The following NSD3 variants were observed in gnomAD, a reference collection of about 807,000 sequenced individuals.
The protein encoded by NSD3 is histone-lysine N-methyltransferase NSD3.
Under a neutral mutation model 160.8 loss-of-function variants are expected in NSD3, and 24 were observed. The observed-to-expected ratio is 0.15, with a 90% CI of 0.11 to 0.21. The LOEUF (loss-of-function observed/expected upper bound fraction) is 0.21, where lower values mean the gene tolerates loss of function less well. Ranked by LOEUF, NSD3 falls within the 10% of genes least tolerant of loss-of-function variation. The pLI, the probability that NSD3 is intolerant of heterozygous loss-of-function variation, is 1.00. For missense variants in NSD3, 1,157 were observed against 1,735.9 expected (o/e 0.67, Z 5.93); for synonymous variants, 520 against 600.0 (o/e 0.87, Z 1.95).
intron 23 of NSD3, 71 bp from the exon 24 acceptor site, chr8:38,275,953 A>G: frequency 1.5e-6 from 2 of 1,375,236 alleles, no homozygotes; most frequent in Non-Finnish European, 2.0e-6. Flanking sequence ...ACCCATGAAA[A>G]ACCCAGGTTC....
In NSD3 at chr8:38,299,384, G is replaced by A. The variant is rs558058778; in HGVS notation, c.2758+60C>T. ...CAGGCATACATTTCCCCCCTATATT[G>A]AAAGAGAAAAAAATAGGAAATGCAA... On this transcript the variant is annotated intron_variant, in intron 15 of 23. Coordinates refer to ENST00000317025, the MANE Select transcript of NSD3 (RefSeq NM_023034.2). The A allele has an allele frequency of 1.6e-5, 24 of 1,547,718 alleles. No homozygotes were observed. The South Asian group carries it at 2.8e-4, about 18-fold the overall frequency.
In NSD3 at chr8:38,286,641, C is replaced by T. The variant is rs570188469; in HGVS notation, c.3501+1846G>A. 9.2e-5 allele frequency among the ~76,000 whole-genome samples: 14 copies of T among 152,318 alleles called. 1 individual carries two copies. In the South Asian group the frequency reaches 1.5e-3, roughly 16 times the overall value. On this transcript the variant is annotated intron_variant, in intron 19 of 23. Transcript: ENST00000317025. ...GATCAAGTCACTCCCTAGTAAAATC[C>T]TCCAGATGTTCCCCATCCCATGGCA...
At chr8:38,358,073 A>G (rs572285740) in intron 1 of NSD3, among the ~76,000 whole-genome samples, 2 of 152,280 alleles carry the variant, frequency 1.3e-5, no homozygotes, top group Non-Finnish European at 2.9e-5. Context: ...TTAAAAAAAG[A>G]AACTCATATG....
At chr8:38,279,965 C>T in intron 20 of NSD3, 1 of 292,920 alleles carries the variant, frequency 3.4e-6, no homozygotes, top group South Asian at 7.5e-5. Flanking sequence ...ATTAGTGGGC[C>T]AGAGGTTTAG....
chr8:38,314,669 G>A lies in NSD3; in HGVS notation c.2220C>T (p.Phe740=). 6.2e-7 allele frequency: 1 copy of A among 1,614,162 alleles called. No individual in the cohort carries two copies. Among genetic ancestry groups the A allele is most frequent in the Non-Finnish European group, 8.5e-7 (1 of 1,180,032 alleles). The change falls in exon 12 of 24, where the codon TTC becomes TTT. Residue 740 remains phenylalanine, a synonymous_variant. Transcript: ENST00000317025. Reference sequence around the variant, plus strand: ...TACCAGTTTTACATTCCATGCAGATGAACTTGCTATCAGGAAGTGATGCCA... The same window carrying A: ...TACCAGTTTTACATTCCATGCAGATAAACTTGCTATCAGGAAGTGATGCCA... The part of the protein sequence containing the change: ...LGLASLPDSK[F]ICMECKTGQH...
chr8:38,323,603 A>G (rs935926767), intron 7 of NSD3, among the ~76,000 whole-genome samples: 1 of 152,090 alleles, frequency 6.6e-6, no homozygotes, highest in Non-Finnish European at 1.5e-5. Flanking sequence ...GGATCGTTTG[A>G]GCCCAGGAGT....
Position 38,276,447 on chromosome 8 carries a change from C to T in NSD3, c.3921G>A (p.Gln1307=), listed in dbSNP as rs1808603272. 1 of 1,614,222 alleles carries T rather than the reference C, an allele frequency of 6.2e-7. No homozygotes were observed. The highest frequency in any genetic ancestry group is 1.1e-5 in the South Asian group (1 of 91,086). The change falls in exon 23 of 24, where the codon CAG becomes CAA. Residue 1307 remains glutamine, a synonymous_variant. Transcript: ENST00000317025. ...GTTCTGTTTTGATCTTTCGTCTCTT[C>T]TGTTTTAACTTAGCATTTTTTGCCT... ...EEKAKNAKLK[Q]KRRKIKTEPK...
chr8:38,350,307 G>A (rs895609451), intron 1 of NSD3, among the ~76,000 whole-genome samples: 1 of 152,152 alleles, frequency 6.6e-6, no homozygotes, highest in African/African-American at 2.4e-5. Context: ...CACCAACAGT[G>A]TAAAAGTGTT....
chr8:38,295,966 A>C lies in NSD3; in HGVS notation c.2759-14T>G. The stretch of plus-strand genomic sequence containing the variant: ...GCAATCTTCCACCTTGAAACAAATA[A>C]ACAGTCTTAATAACTGAGAAAAGAG... On this transcript the variant is annotated splice_polypyrimidine_tract_variant and intron_variant, in intron 15 of 23. Transcript: ENST00000317025. The C allele has an allele frequency of 6.2e-7, 1 of 1,606,020 alleles. No individual in the cohort carries two copies. The highest frequency in any genetic ancestry group is 1.7e-4 in the Middle Eastern group (1 of 6,016).
chr8:38,381,183 CAGTT>C (rs1263456203), intron 1 of NSD3, among the ~76,000 whole-genome samples: 2 of 152,128 alleles, frequency 1.3e-5, no homozygotes, highest in Admixed American at 6.5e-5. Context: ...TGTCATCATT[CAGTT>C]AATTTCCTTC....
intron 16 of NSD3, among the ~76,000 whole-genome samples, chr8:38,292,739 A>G (rs1490158797): frequency 6.6e-6 from 1 of 152,122 alleles, no homozygotes; most frequent in Non-Finnish European, 1.5e-5. Context: ...CAGTGAGCCA[A>G]GATCGTGCCA....
intron 6 of NSD3, 111 bp from the exon 7 acceptor site, chr8:38,326,967 T>C (rs1192097221): frequency 5.2e-6 from 6 of 1,164,666 alleles, no homozygotes; most frequent in African/African-American, 4.7e-5. Flanking sequence ...AAATTTTATA[T>C]GGTCTTTGAT....
At chr8:38,369,848 G>C (rs1328945037) in intron 1 of NSD3, among the ~76,000 whole-genome samples, 1 of 152,152 alleles carries the variant, frequency 6.6e-6, no homozygotes, top group Non-Finnish European at 1.5e-5. Context: ...AGGCTGGAGT[G>C]CAGTGGCACG....
chr8:38,314,895 G>A (rs1025073812), intron 11 of NSD3, 122 bp from the exon 12 acceptor site: 25 of 1,081,930 alleles, frequency 2.3e-5, no homozygotes, highest in Non-Finnish European at 3.0e-5. Context: ...TAGGTCTGGC[G>A]GGGGCCCCAA....
At chr8:38,352,928 T>C (rs186587089) in intron 1 of NSD3, among the ~76,000 whole-genome samples, 3 of 152,328 alleles carry the variant, frequency 2.0e-5, no homozygotes, top group Non-Finnish European at 4.4e-5. Flanking sequence ...TATTCCTTCG[T>C]CACTACCAAA....
chr8:38,306,540 A>G (rs559938513), intron 12 of NSD3, among the ~76,000 whole-genome samples: 1 of 152,344 alleles, frequency 6.6e-6, no homozygotes, highest in East Asian at 1.9e-4. Flanking sequence ...TAAAAGACAA[A>G]CAGATGTAGG....
intron 1 of NSD3, among the ~76,000 whole-genome samples, chr8:38,373,141 G>A (rs1020754901): frequency 2.6e-5 from 4 of 151,898 alleles, no homozygotes; most frequent in African/African-American, 9.7e-5. Flanking sequence ...TACCACCAAA[G>A]CAATACCAGC....
In NSD3 at chr8:38,336,204, C is replaced by A. The variant is rs1356691129; in HGVS notation, c.910+1101G>T. ...GAAACAGGTACAAACTTGTCACAGA[C>A]AATGAGGAACTCTACACATGACAAG... On this transcript the variant is annotated intron_variant, in intron 4 of 23. Coordinates refer to ENST00000317025, the MANE Select transcript of NSD3 (RefSeq NM_023034.2). The A allele has an allele frequency of 2.0e-5, 3 of 152,172 alleles. No homozygotes were observed. The East Asian group carries it at 5.8e-4, about 29-fold the overall frequency. 9.4% of individuals were successfully genotyped at this position (152,172 alleles called of 1,614,324 possible).
chr8:38,275,308 A>C lies in NSD3; in HGVS notation c.*333T>G, dbSNP rs1585846473. On this transcript the variant is annotated 3_prime_UTR_variant, in exon 24 of 24. Transcript: ENST00000317025. ...ACCAAGGAACACATCTTAGACTTTA[A>C]ATTTATCTCATTAACAAAACTTACT... The C allele has an allele frequency of 3.3e-6, 1 of 300,756 alleles. No individual in the cohort carries two copies. Among genetic ancestry groups the C allele is most frequent in the East Asian group, 5.1e-5 (1 of 19,516 alleles). 18.6% of individuals were successfully genotyped at this position (300,756 alleles called of 1,614,324 possible).
Sources: allele counts gnomAD v4.1 joint callset (sites outside exome capture counted in the v4.1 genomes callset), GRCh38; gene constraint gnomAD v4.1.1; transcripts MANE v1.5; gene names NCBI Gene and HGNC (gene_info 2026-07-23, HGNC 2026-07-21).